The following TNR variants were observed in gnomAD, a reference collection of about 807,000 sequenced individuals.
TNR encodes tenascin-R.
A neutral mutation model predicts 150.4 loss-of-function variants in TNR; 45 were observed. The ratio of observed to expected loss-of-function variants is 0.30; its 90% CI spans 0.24 to 0.38. TNR has a LOEUF of 0.38. TNR is among the 10% of genes least tolerant of loss of function. The pLI, the probability that TNR is intolerant of heterozygous loss-of-function variation, is 1.00. For missense variants in TNR, 1,544 were observed against 1,759.1 expected (o/e 0.88, Z 2.19); for synonymous variants, 687 against 678.4 (o/e 1.01, Z -0.20).
At chr1:175,487,599 A>T (rs1486611853) in intron 2 of TNR, among the ~76,000 whole-genome samples, 2 of 152,300 alleles carry the variant, frequency 1.3e-5, no homozygotes, top group East Asian at 3.9e-4. Flanking sequence ...GGAGTCAGAC[A>T]GTCTAAGATT....
chr1:175,641,507 A>C (rs1664659345), intron 1 of TNR, among the ~76,000 whole-genome samples: 1 of 152,186 alleles, frequency 6.6e-6, no homozygotes, highest in Non-Finnish European at 1.5e-5. Context: ...ATCTTCTATT[A>C]CTGTGGAGAA....
chr1:175,521,752 G>T (rs896871365), intron 2 of TNR, among the ~76,000 whole-genome samples: 2 of 151,986 alleles, frequency 1.3e-5, no homozygotes, highest in African/African-American at 4.8e-5. Flanking sequence ...CTCAATGATT[G>T]TGGCCTCTCC....
intron 2 of TNR, among the ~76,000 whole-genome samples, chr1:175,447,541 T>G (rs1656110077): frequency 6.6e-6 from 1 of 152,220 alleles, no homozygotes; most frequent in Non-Finnish European, 1.5e-5. Flanking sequence ...GGAAACATTT[T>G]CTCTATAAAT....
chr1:175,539,859 T>C (rs1445554151), intron 1 of TNR, among the ~76,000 whole-genome samples: 1 of 152,104 alleles, frequency 6.6e-6, no homozygotes, highest in Non-Finnish European at 1.5e-5. Flanking sequence ...CATAAGTAGC[T>C]CACACTATAG....
intron 1 of TNR, among the ~76,000 whole-genome samples, chr1:175,582,453 A>ACACCTC (rs1662389139): frequency 6.6e-6 from 1 of 152,224 alleles, no homozygotes; most frequent in African/African-American, 2.4e-5. Flanking sequence ...ACCATCACAC[A>ACACCTC]GAGAAGAGGT....
intron 2 of TNR, among the ~76,000 whole-genome samples, chr1:175,450,105 T>C (rs563015809): frequency 6.6e-6 from 1 of 152,268 alleles, no homozygotes; most frequent in South Asian, 2.1e-4. Context: ...TGGAGGAGGG[T>C]CAGCTCCTTC....
chr1:175,371,843 A>C (rs1194437651), intron 9 of TNR, among the ~76,000 whole-genome samples: 2 of 152,168 alleles, frequency 1.3e-5, no homozygotes, highest in African/African-American at 4.8e-5. Flanking sequence ...CCCATCCCTG[A>C]GTCTTACAGG....
chr1:175,467,503 G>C (rs1434278692), intron 2 of TNR, among the ~76,000 whole-genome samples: 2 of 152,188 alleles, frequency 1.3e-5, no homozygotes, highest in South Asian at 4.2e-4. Flanking sequence ...TAACTCAGAG[G>C]AATGACCTTT....
intron 2 of TNR, among the ~76,000 whole-genome samples, chr1:175,455,010 T>C (rs940858400): frequency 6.6e-6 from 1 of 152,162 alleles, no homozygotes; most frequent in Admixed American, 6.5e-5. Context: ...GAGGCTACAT[T>C]GTGAAGGCAA....
chr1:175,706,900 G>A (rs1282261796), intron 1 of TNR, among the ~76,000 whole-genome samples: 1 of 152,124 alleles, frequency 6.6e-6, no homozygotes, highest in African/African-American at 2.4e-5. Flanking sequence ...TCCTCCATGT[G>A]TCCTGGAGGT....
chr1:175,465,784 G>T (rs931187921), intron 2 of TNR, among the ~76,000 whole-genome samples: 1 of 152,078 alleles, frequency 6.6e-6, no homozygotes, highest in Non-Finnish European at 1.5e-5. Context: ...GGCAAGCCCA[G>T]TGTGGCAATC....
At chr1:175,497,974 C>T (rs1247938258) in intron 2 of TNR, among the ~76,000 whole-genome samples, 4 of 152,040 alleles carry the variant, frequency 2.6e-5, no homozygotes, top group East Asian at 1.9e-4. Flanking sequence ...GCAGGAGGAT[C>T]GCTTGAACTC....
chr1:175,601,793 G>C lies in TNR; in HGVS notation c.-164-73424C>G, dbSNP rs571858392. Among the ~76,000 whole-genome samples the C allele has an allele frequency of 1.8e-4, 27 of 152,070 alleles. No individual in the cohort carries two copies. The South Asian group carries it at 5.6e-3, about 32-fold the overall frequency. The stretch of plus-strand genomic sequence containing the variant: ...TCTCTATAGTTTATTTCAGCTTTAG[G>C]GCTTTTAAAACTCTATTCCTACCTA... On this transcript the variant is annotated intron_variant, in intron 1 of 22. Coordinates refer to ENST00000367674, the MANE Select transcript of TNR (RefSeq NM_003285.3).
intron 1 of TNR, among the ~76,000 whole-genome samples, chr1:175,685,780 C>A (rs1459475907): frequency 2.0e-5 from 3 of 152,108 alleles, no homozygotes; most frequent in Non-Finnish European, 4.4e-5. Context: ...TCTGCAAAAT[C>A]CCATAATTAT....
intron 1 of TNR, among the ~76,000 whole-genome samples, chr1:175,603,571 A>T (rs1663317718): frequency 6.6e-6 from 1 of 152,244 alleles, no homozygotes; most frequent in Non-Finnish European, 1.5e-5. Context: ...CTCACTAAAA[A>T]TCACATGGGT....
rs548830156 is a variant in TNR, at chr1:175,699,019, G to A, written c.-165+44207C>T. 2.0e-5 allele frequency among the ~76,000 whole-genome samples: 3 copies of A among 152,308 alleles called. No individual in the cohort carries two copies. In the East Asian group the frequency reaches 5.8e-4, roughly 29 times the overall value. ...AGTGGGCAGGCAAGATCAGAAGGAA[G>A]CAGGAATACCAATTAGGAGGTGCCA... On this transcript the variant is annotated intron_variant, in intron 1 of 22. Transcript: ENST00000367674.
chr1:175,547,144 C>CT (rs1660722469), intron 1 of TNR, among the ~76,000 whole-genome samples: 1 of 152,236 alleles, frequency 6.6e-6, no homozygotes. Context: ...AAGTAGGCCC[C>CT]TTTGCCTCTT....
intron 8 of TNR, among the ~76,000 whole-genome samples, chr1:175,384,242 G>T (rs35341067): frequency 0.053 from 8,136 of 152,324 alleles, 310 homozygotes; most frequent in Middle Eastern, 0.18. Context: ...ACACCCCGGA[G>T]CAAGTGGTAT....
At chr1:175,607,982 GGGACAGCAGA>G (rs1663469225) in intron 1 of TNR, among the ~76,000 whole-genome samples, 1 of 152,208 alleles carries the variant, frequency 6.6e-6, no homozygotes. Context: ...GGTCAGAGAA[GGGACAGCAGA>G]GGCTTTCTGA....
Sources: allele counts gnomAD v4.1 joint callset (sites outside exome capture counted in the v4.1 genomes callset), GRCh38; gene constraint gnomAD v4.1.1; transcripts MANE v1.5; gene names NCBI Gene and HGNC (gene_info 2026-07-23, HGNC 2026-07-21).